Variants in NCKAP5 observed in about 807,000 individuals in gnomAD.
NCKAP5 encodes NCK associated protein 5.
In NCKAP5, 92 loss-of-function variants were observed where a neutral mutation model predicts 167.0. The ratio of observed to expected loss-of-function variants is 0.55; its 90% CI spans 0.47 to 0.66. The LOEUF is 0.66. Ranked by LOEUF, NCKAP5 falls within the 30% of genes least tolerant of loss-of-function variation. NCKAP5 has a pLI of 0.00. For synonymous variants in NCKAP5, 891 were observed against 877.4 expected, an observed-to-expected ratio of 1.02 and a Z score of -0.27; for missense variants, 2,378 against 2,315.0, an observed-to-expected ratio of 1.03 and a Z score of -0.56.
chr2:132,982,475 G>A (rs2077169462), intron 7 of NCKAP5, among the ~76,000 whole-genome samples: 1 of 152,060 alleles, frequency 6.6e-6, no homozygotes, highest in Non-Finnish European at 1.5e-5. Flanking sequence ...AAGATGTGAG[G>A]GACTGCTGGG....
the NCKAP5 span, among the ~76,000 whole-genome samples, chr2:133,577,454 T>C: frequency 6.6e-6 from 1 of 152,178 alleles, no homozygotes; most frequent in South Asian, 2.1e-4. Flanking sequence ...TTCCCTATTT[T>C]ACCATTATTT....
intron 5 of NCKAP5, among the ~76,000 whole-genome samples, chr2:133,151,152 C>T (rs189802723): frequency 2.7e-4 from 41 of 152,158 alleles, no homozygotes; most frequent in East Asian, 9.7e-4. Flanking sequence ...CCAATATGTA[C>T]GCTTTTCTGT....
chr2:132,801,453 G>A (rs1324871026), intron 11 of NCKAP5, among the ~76,000 whole-genome samples: 7 of 152,070 alleles, frequency 4.6e-5, no homozygotes, highest in Admixed American at 2.6e-4. Context: ...TCATATATAC[G>A]GGTATTTACA....
intron 5 of NCKAP5, among the ~76,000 whole-genome samples, chr2:133,177,183 T>TATACAC (rs1553563641): frequency 7.0e-6 from 1 of 142,640 alleles, no homozygotes. Flanking sequence ...TATATATATA[T>TATACAC]ATATACTCAA....
intron 5 of NCKAP5, among the ~76,000 whole-genome samples, chr2:133,180,460 C>T (rs1234096154): frequency 6.6e-6 from 1 of 152,018 alleles, no homozygotes; most frequent in Non-Finnish European, 1.5e-5. Context: ...CTGCAGTCTC[C>T]GTAGTAGCTG....
At chr2:133,620,293 G>T in the NCKAP5 span, among the ~76,000 whole-genome samples, 1 of 151,978 alleles carries the variant, frequency 6.6e-6, no homozygotes, top group Non-Finnish European at 1.5e-5. Flanking sequence ...CACAAAATGA[G>T]AGAATGGAGA....
At chr2:133,014,161 C>G (rs1027646202) in intron 6 of NCKAP5, among the ~76,000 whole-genome samples, 4 of 152,168 alleles carry the variant, frequency 2.6e-5, no homozygotes, top group South Asian at 2.1e-4. Context: ...TTACTGTCCG[C>G]AAGACAAAGA....
chr2:132,755,216 T>G (rs544231653), intron 16 of NCKAP5, among the ~76,000 whole-genome samples: 5 of 152,316 alleles, frequency 3.3e-5, no homozygotes, highest in African/African-American at 1.2e-4. Context: ...AGGCACTGAA[T>G]GGGTAGCAAG....
At chr2:133,458,700 C>A (rs561845905) in intron 3 of NCKAP5, among the ~76,000 whole-genome samples, 99 of 152,122 alleles carry the variant, frequency 6.5e-4, no homozygotes, top group Non-Finnish European at 1.2e-3. Flanking sequence ...GTTATGGATA[C>A]ATTTTCCTGG....
chr2:132,770,051 GCCC>G (rs879299642), intron 16 of NCKAP5, among the ~76,000 whole-genome samples: 1 of 152,070 alleles, frequency 6.6e-6, no homozygotes, highest in Admixed American at 6.5e-5. Context: ...CAACCTTTTT[GCCC>G]CTGGCAATGA....
At chr2:133,336,287 GCAAA>G (rs997243473) in intron 3 of NCKAP5, among the ~76,000 whole-genome samples, 19 of 152,186 alleles carry the variant, frequency 1.2e-4, no homozygotes, top group Non-Finnish European at 2.4e-4. Flanking sequence ...ATATAAGGAA[GCAAA>G]CAGACTAGGA....
At chr2:132,883,559 G>C (rs1691962190) in intron 8 of NCKAP5, among the ~76,000 whole-genome samples, 1 of 151,878 alleles carries the variant, frequency 6.6e-6, no homozygotes, top group Non-Finnish European at 1.5e-5. Context: ...TTCCCGGCAG[G>C]CTGCCTCTCT....
chr2:132,942,373 G>A (rs1697364080), intron 8 of NCKAP5, among the ~76,000 whole-genome samples: 1 of 146,322 alleles, frequency 6.8e-6, no homozygotes, highest in Admixed American at 6.9e-5. Context: ...GTGGGGCTGA[G>A]GTTGGGCCTG....
At chr2:132,808,400 G>A (rs1186543495) in intron 11 of NCKAP5, among the ~76,000 whole-genome samples, 1 of 151,626 alleles carries the variant, frequency 6.6e-6, no homozygotes, top group Non-Finnish European at 1.5e-5. Flanking sequence ...AACTTTTTTT[G>A]TTGTTGGTAA....
At chr2:132,993,369 A>T (rs1866192) in intron 7 of NCKAP5, among the ~76,000 whole-genome samples, 52,329 of 152,100 alleles carry the variant, frequency 0.34, 9,748 homozygotes, top group Middle Eastern at 0.51. Context: ...CTGTACAGGC[A>T]ATCTGGACCA....
intron 3 of NCKAP5, among the ~76,000 whole-genome samples, chr2:133,498,645 A>C (rs1682194995): frequency 6.6e-6 from 1 of 152,094 alleles, no homozygotes; most frequent in East Asian, 1.9e-4. Context: ...TTATGCATCC[A>C]TAAAAATAAA....
At chr2:133,276,247 T>C (rs893900838) in intron 4 of NCKAP5, among the ~76,000 whole-genome samples, 1 of 152,188 alleles carries the variant, frequency 6.6e-6, no homozygotes, top group African/African-American at 2.4e-5. Flanking sequence ...ATAGAATCTT[T>C]ATGTTATCAG....
chr2:133,061,668 C>T (rs1286854062), intron 6 of NCKAP5, among the ~76,000 whole-genome samples: 1 of 152,172 alleles, frequency 6.6e-6, no homozygotes. Flanking sequence ...TCTGACGGAA[C>T]TGCCAAACCT....
At chr2:132,836,948 T>G (rs72991349) in intron 11 of NCKAP5, among the ~76,000 whole-genome samples, 19,625 of 152,232 alleles carry the variant, frequency 0.13, 1,842 homozygotes, top group African/African-American at 0.25. Context: ...GGTAGCTTCC[T>G]AAGAAAAGGG....
Sources: allele counts gnomAD v4.1 joint callset (sites outside exome capture counted in the v4.1 genomes callset), GRCh38; gene constraint gnomAD v4.1.1; transcripts MANE v1.5; gene names NCBI Gene and HGNC (gene_info 2026-07-23, HGNC 2026-07-21).